Variants in SRRM2 observed in about 807,000 individuals in gnomAD.
SRRM2 encodes the protein serine/arginine repetitive matrix protein 2.
SRRM2 carries 30 observed loss-of-function variants against 213.8 expected under a neutral mutation model. That is an observed-to-expected ratio of 0.14 (90% confidence interval 0.10 to 0.19). The LOEUF (loss-of-function observed/expected upper bound fraction) is 0.19. SRRM2 is among the 10% of genes least tolerant of loss of function. SRRM2 has a pLI of 1.00. For missense variants in SRRM2, 4,904 were observed against 3,647.0 expected, an observed-to-expected ratio of 1.34 and a Z score of -8.88; for synonymous variants, 2,025 against 1,377.7, an observed-to-expected ratio of 1.47 and a Z score of -10.40.
chr16:2,759,393 A>C lies in SRRM2; in HGVS notation c.731A>C (p.Lys244Thr). Residue 244 changes from lysine (K) to threonine (T), a missense_variant, in exon 8 of 15, where the codon AAG becomes ACG. Transcript: ENST00000301740. ...AGCAAACGTAAATCTAAGGACAAAA[A>C]GCGAAAGCGGTGAGTGAATTTGTGG... is the stretch of plus-strand genomic sequence containing the variant. The part of the protein sequence containing the change: ...PKSKRKSKDK[K>T]RKRSRSTTPA... 6.3e-7 allele frequency: 1 copy of C among 1,594,042 alleles called. No homozygotes were observed.
chr16:2,771,344 T>G lies in SRRM2; in HGVS notation c.*477T>G. ...CAACTTTTCATGTTTCTTAAAGGCATTTTGGTTTTTTAAAATCTGTACAGC... is the reference window on the plus strand; with the variant it reads ...CAACTTTTCATGTTTCTTAAAGGCAGTTTGGTTTTTTAAAATCTGTACAGC... On this transcript the variant is annotated 3_prime_UTR_variant, in exon 15 of 15. Transcript: ENST00000301740. 12 of 1,468,892 alleles carry G rather than the reference T, an allele frequency of 8.2e-6. No homozygotes were observed. The highest frequency in any genetic ancestry group is 1.4e-5 in the African/African-American group (1 of 71,950). The allele number at this position is 1,468,892 out of a possible 1,614,324, so 91.0% of individuals were successfully genotyped here.
rs750837945 is a variant in SRRM2, at chr16:2,765,781, A to C, written c.5253A>C (p.Pro1751=). The C allele has an allele frequency of 1.2e-6, 2 of 1,613,888 alleles. No individual in the cohort carries two copies. Among genetic ancestry groups the C allele is most frequent in the Admixed American group, 1.7e-5 (1 of 59,984 alleles). ...SSRRRRSASS[P]RTKTTSRRGR... ...GCCGACGGCGCTCAGCTTCATCTCC[A>C]CGCACTAAGACAACCTCAAGGAGAG... The change falls in exon 11 of 15, where the codon CCA becomes CCC. Residue 1751 remains proline, a synonymous_variant. Coordinates refer to ENST00000301740, the MANE Select transcript of SRRM2 (RefSeq NM_016333.4).
At position 2,756,616 on chromosome 16, in the gene SRRM2, A is replaced by G; in HGVS notation, c.242+10A>G. On this transcript the variant is annotated intron_variant, in intron 2 of 14. Coordinates refer to ENST00000301740, the MANE Select transcript of SRRM2 (RefSeq NM_016333.4). Reference sequence around the variant, plus strand: ...TGATGGAAGAGCAGGGGTGAGGGAGAGCTGGGGGAGAGTCAAGCACTGAAT... The same window carrying G: ...TGATGGAAGAGCAGGGGTGAGGGAGGGCTGGGGGAGAGTCAAGCACTGAAT... 1 of 1,607,484 alleles carries G rather than the reference A, an allele frequency of 6.2e-7. No individual in the cohort carries two copies. The highest frequency in any genetic ancestry group is 8.5e-7 in the Non-Finnish European group (1 of 1,176,594).
rs763985120 is a variant in SRRM2 at position 2,764,536 on chromosome 16, A to T, written c.4008A>T (p.Ser1336=). ...SFGSPLEFRN[S]GPLGTEMNTG... is the part of the protein sequence containing the mutation. ...GATCACCTTTAGAATTTAGAAACTC[A>T]GGCCCACTTGGTACAGAAATGAATA... The change falls in exon 11 of 15, where the codon TCA becomes TCT. Residue 1336 remains serine, a synonymous_variant. Coordinates refer to ENST00000301740, the MANE Select transcript of SRRM2 (RefSeq NM_016333.4). The T allele has an allele frequency of 1.1e-5, 18 of 1,613,564 alleles. No individual in the cohort carries two copies. Among genetic ancestry groups the T allele is most frequent in the Non-Finnish European group, 1.4e-5 (17 of 1,179,546 alleles).
At position 2,769,851 on chromosome 16, in the gene SRRM2, C is replaced by T. The variant is rs538867045; in HGVS notation, c.8022-501C>T. On this transcript the variant is annotated intron_variant, in intron 12 of 14. Coordinates refer to ENST00000301740, the MANE Select transcript of SRRM2 (RefSeq NM_016333.4). ...CCTCCTGCCCGCCCCCACACATGCC[C>T]TGTGCTCCAGCCACACCCAGCGCCT... 526 of 466,432 alleles carry T rather than the reference C, an allele frequency of 1.1e-3. 2 individuals are homozygous for T. Among genetic ancestry groups the T allele is most frequent in the African/African-American group, 8.0e-3 (407 of 50,704 alleles). The allele number at this position is 466,432 out of a possible 1,614,324, so 28.9% of individuals were successfully genotyped here.
Position 2,763,065 on chromosome 16 carries a change from C to A in SRRM2, c.2537C>A (p.Ser846Tyr). The change falls in exon 11 of 15, where the codon TCT becomes TAT. Residue 846 changes from serine to tyrosine, a missense_variant. By Grantham distance (144) the Ser-to-Tyr change is moderately radical. Coordinates refer to ENST00000301740, the MANE Select transcript of SRRM2 (RefSeq NM_016333.4). ...SSSSPHPKVKSGTPPRQGSIT... is the reference protein window; with the variant it reads ...SSSSPHPKVKYGTPPRQGSIT... ...TCATCTCCTCATCCTAAAGTGAAAT[C>A]TGGAACACCACCGAGGCAAGGGTCC... 1 of 1,614,138 alleles carries A rather than the reference C, an allele frequency of 6.2e-7. No homozygotes were observed. The highest frequency in any genetic ancestry group is 1.6e-4 in the Middle Eastern group (1 of 6,062).
Position 2,761,910 on chromosome 16 carries a change from A to G in SRRM2, c.1382A>G (p.Asn461Ser), listed in dbSNP as rs1389166838. ...ATTTCTTCTTCTCCCACATCTAAGA[A>G]TCGCTCACATGGCCGAGCAAAACGG... ...REISSSPTSK[N>S]RSHGRAKRDK... Residue 461 changes from asparagine to serine, a missense_variant, in exon 11 of 15, where the codon AAT becomes AGT. Coordinates refer to ENST00000301740, the MANE Select transcript of SRRM2 (RefSeq NM_016333.4). 8.1e-6 allele frequency: 13 copies of G among 1,613,682 alleles called. No individual in the cohort carries two copies. The highest frequency in any genetic ancestry group is 1.3e-5 in the African/African-American group (1 of 74,858).
In SRRM2 at chr16:2,771,015, T is replaced by G. The variant is rs770183962; in HGVS notation, c.*148T>G. 3 of 888,422 alleles carry G rather than the reference T, an allele frequency of 3.4e-6. No homozygotes were observed. In the Admixed American group the frequency reaches 8.6e-5, roughly 25 times the overall value. The allele number at this position is 888,422 out of a possible 1,614,324, so 55.0% of individuals were successfully genotyped here. ...TGGAGGGCTCCCTTTCCCTCCCCTTTTTTTTTTCTTTGTTCCTGTGAAATG... is the reference window on the plus strand; with the variant it reads ...TGGAGGGCTCCCTTTCCCTCCCCTTGTTTTTTTCTTTGTTCCTGTGAAATG... On this transcript the variant is annotated 3_prime_UTR_variant, in exon 15 of 15. Transcript: ENST00000301740.
In SRRM2 at chr16:2,762,482, C is replaced by A; in HGVS notation, c.1954C>A (p.Pro652Thr). The A allele has an allele frequency of 1.2e-6, 2 of 1,613,642 alleles. No individual in the cohort carries two copies. The highest frequency in any genetic ancestry group is 1.7e-6 in the Non-Finnish European group (2 of 1,179,808). Residue 652 changes from proline to threonine, a missense_variant, in exon 11 of 15, where the codon CCA becomes ACA. Transcript: ENST00000301740. ...AAGTGGCAGGTCACGCTCTAGAACC[C>A]CAGCTAGACGTGGCCGCTCACGCTC... The part of the protein sequence containing the change: ...RRSGRSRSRT[P>T]ARRGRSRSRT...
In SRRM2 at chr16:2,765,855, G is replaced by T; in HGVS notation, c.5327G>T (p.Arg1776Leu). 6.2e-7 allele frequency: 1 copy of T among 1,614,066 alleles called. No homozygotes were observed. The highest frequency in any genetic ancestry group is 8.5e-7 in the Non-Finnish European group (1 of 1,180,014). Residue 1776 changes from arginine to leucine, a missense_variant, in exon 11 of 15, where the codon CGC (arginine) becomes CTC (leucine). Transcript: ENST00000301740. ...CGTGGACTCCAGAGGTCCCGTTCCC[G>T]CTCAAGGAGAGAGAAAACAAGAACA... The part of the protein sequence containing the change: ...KPRGLQRSRS[R>L]SRREKTRTTR...
chr16:2,752,806 C>A lies in SRRM2; in HGVS notation c.-72C>A. 2.9e-6 allele frequency: 1 copy of A among 339,534 alleles called. No homozygotes were observed. The highest frequency in any genetic ancestry group is 6.0e-6 in the Non-Finnish European group (1 of 167,394). The allele number at this position is 339,534 out of a possible 1,614,324, so 21.0% of individuals were successfully genotyped here. Reference sequence around the variant, plus strand: ...TCGGGAGCTCGAGCAGCGGCGGCGGCAAGACCTCTCCCCCTCGGAGGCGGC... The same window carrying A: ...TCGGGAGCTCGAGCAGCGGCGGCGGAAAGACCTCTCCCCCTCGGAGGCGGC... On this transcript the variant is annotated 5_prime_UTR_variant, in exon 1 of 15. Coordinates refer to ENST00000301740, the MANE Select transcript of SRRM2 (RefSeq NM_016333.4).
chr16:2,762,530 C>G lies in SRRM2; in HGVS notation c.2002C>G (p.Arg668Gly), dbSNP rs545913127. The change falls in exon 11 of 15, where the codon CGC (arginine) becomes GGC (glycine). Residue 668 changes from arginine to glycine, a missense_variant. Transcript: ENST00000301740. ...CTCCAGAACCCCAGCCAGACGTGGC[C>G]GCTCACGCTCTAGAACCCCAGCTAG... ...SRSRTPARRG[R>G]SRSRTPARRS... 1 of 1,613,654 alleles carries G rather than the reference C, an allele frequency of 6.2e-7. No homozygotes were observed. Among genetic ancestry groups the G allele is most frequent in the South Asian group, 1.1e-5 (1 of 91,042 alleles).
At chr16:2,768,457 C>T (rs956197372) in intron 11 of SRRM2, 196 bp downstream of exon 11, 12 of 674,788 alleles carry the variant, frequency 1.8e-5, no homozygotes, top group East Asian at 2.7e-5. Flanking sequence ...TAAAAGTCTC[C>T]GAAGGTTCAT....
chr16:2,769,183 T>TTCC lies in SRRM2; in HGVS notation c.7929_7931dup (p.Ser2648dup), dbSNP rs750493424. 5 of 1,611,150 alleles carry TTCC rather than the reference T, an allele frequency of 3.1e-6. No individual in the cohort carries two copies. The Admixed American group carries it at 5.0e-5, about 16-fold the overall frequency. On this transcript the variant is annotated inframe_insertion, in exon 12 of 15. Transcript: ENST00000301740. ...CCTCTTCTTCTTCTTCCTCCTCATC[T>TTCC]TCCTCCTCCTCGTCGTCTTCCTCCC... is the stretch of plus-strand genomic sequence containing the variant.
At position 2,762,786 on chromosome 16, in the gene SRRM2, G is replaced by A. The variant is rs140346179; in HGVS notation, c.2258G>A (p.Arg753His). Residue 753 changes from arginine (R) to histidine (H), a missense_variant, in exon 11 of 15, where the codon CGC (arginine) becomes CAC (histidine). Arg to His is a conservative substitution (Grantham distance 29, BLOSUM62 0). Transcript: ENST00000301740. ...TCAAGCCCAGAAATGAAGAAATCTC[G>A]CATTTCTTCAAGGCGGAGCAGGTCT... ...SNSSPEMKKS[R>H]ISSRRSRSLS... 6.8e-6 allele frequency: 11 copies of A among 1,613,968 alleles called. No homozygotes were observed. The highest frequency in any genetic ancestry group is 4.0e-5 in the African/African-American group (3 of 74,900).
rs1197258747 is a variant in SRRM2 at position 2,763,038 on chromosome 16, G to A, written c.2510G>A (p.Ser837Asn). ...ACACCATCAAGACAAAGTCATTCCA[G>A]TTCATCTCCTCATCCTAAAGTGAAA... ...SKTPSRQSHS[S>N]SSPHPKVKSG... is the part of the protein sequence containing the mutation. The change falls in exon 11 of 15, where the codon AGT (serine) becomes AAT (asparagine). Residue 837 changes from serine (S) to asparagine (N), a missense_variant. Transcript: ENST00000301740. The A allele has an allele frequency of 1.2e-6, 2 of 1,614,092 alleles. No homozygotes were observed. The highest frequency in any genetic ancestry group is 1.7e-6 in the Non-Finnish European group (2 of 1,180,020).
rs755896030 is a variant in SRRM2 at position 2,757,836 on chromosome 16, C to A, written c.406C>A (p.Arg136Ser). Residue 136 changes from arginine to serine, a missense_variant, in exon 4 of 15, where the codon CGT becomes AGT. Arg to Ser is a moderately radical substitution (Grantham distance 110, BLOSUM62 -1). Transcript: ENST00000301740. ...AAATGAGAAGAAGAATGAAAGACTC[C>A]GTGCTGCCTTTGGCATCAGTGATTC... ...ELNEKKNERLRAAFGISDSYV... is the reference protein window; with the variant it reads ...ELNEKKNERLSAAFGISDSYV... 1.2e-6 allele frequency: 2 copies of A among 1,613,806 alleles called. No homozygotes were observed. The highest frequency in any genetic ancestry group is 1.7e-6 in the Non-Finnish European group (2 of 1,179,724).
Position 2,765,506 on chromosome 16 carries a change from G to A in SRRM2, c.4978G>A (p.Glu1660Lys), listed in dbSNP as rs2068508538. Reference sequence around the variant, plus strand: ...AAGCAGCAGTACCGAGTCCTCTCCTGAACATCCGCCCAAATCCAGAACTGC... The same window carrying A: ...AAGCAGCAGTACCGAGTCCTCTCCTAAACATCCGCCCAAATCCAGAACTGC... ...EGSSSTESSP[E>K]HPPKSRTARR... Residue 1660 changes from glutamate to lysine, a missense_variant, in exon 11 of 15, where the codon GAA (glutamate) becomes AAA (lysine). By Grantham distance (56) the Glu-to-Lys change is moderately conservative. Coordinates refer to ENST00000301740, the MANE Select transcript of SRRM2 (RefSeq NM_016333.4). 3 of 1,614,156 alleles carry A rather than the reference G, an allele frequency of 1.9e-6. No individual in the cohort carries two copies. The highest frequency in any genetic ancestry group is 2.5e-6 in the Non-Finnish European group (3 of 1,180,034).
Position 2,763,024 on chromosome 16 carries a change from A to G in SRRM2, c.2496A>G (p.Arg832=), listed in dbSNP as rs754809739. Residue 832 remains arginine, a synonymous_variant, in exon 11 of 15, where the codon AGA becomes AGG. Transcript: ENST00000301740. The stretch of plus-strand genomic sequence containing the variant: ...AACAGAAATCTAAGACACCATCAAG[A>G]CAAAGTCATTCCAGTTCATCTCCTC... ...PPKQKSKTPS[R]QSHSSSSPHP... The G allele has an allele frequency of 1.2e-6, 2 of 1,614,152 alleles. No individual in the cohort carries two copies. Among genetic ancestry groups the G allele is most frequent in the South Asian group, 1.1e-5 (1 of 91,074 alleles).
Sources: gnomAD v4.1 joint callset for allele counts on GRCh38, gnomAD v4.1.1 for gene constraint, MANE v1.5 for transcripts, NCBI Gene and HGNC (gene_info 2026-07-23, HGNC 2026-07-21) for gene names.